The following SDHAF3 variants were observed in gnomAD, a reference collection of about 807,000 sequenced individuals.
The protein encoded by SDHAF3 is succinate dehydrogenase complex assembly factor 3, also known as succinate dehydrogenase assembly factor 3, mitochondrial.
A neutral mutation model predicts 11.5 loss-of-function variants in SDHAF3; 18 were observed. The ratio of observed to expected loss-of-function variants is 1.56; its 90% CI spans 1.08 to 2.32. SDHAF3 has a LOEUF of 2.32. Ranked by LOEUF, SDHAF3 falls within the 30% of genes most tolerant of loss-of-function variation. The probability of loss-of-function intolerance (pLI) is 0.00; values close to 1 mark genes in which losing one functional copy is unlikely to be tolerated. For missense variants in SDHAF3, 200 were observed against 154.4 expected (o/e 1.30, Z -1.57); for synonymous variants, 72 against 59.3 (o/e 1.21, Z -0.99).
In SDHAF3 at chr7:97,139,376, G is replaced by A. The variant is rs990411123; in HGVS notation, c.174+21479G>A. ...TGGGGCTTTTATGGGCTCAGAATGG[G>A]GGAGTGTATGCCGATTGGTTTGTGA... On this transcript the variant is annotated intron_variant, in intron 1 of 1. Transcript: ENST00000432641. Among the ~76,000 whole-genome samples, 8 of 152,078 alleles carry A rather than the reference G, an allele frequency of 5.3e-5. No homozygotes were observed. In the South Asian group the frequency reaches 1.5e-3, roughly 28 times the overall value.
intron 1 of SDHAF3, among the ~76,000 whole-genome samples, chr7:97,167,002 T>A (rs886393160): frequency 6.6e-6 from 1 of 152,188 alleles, no homozygotes; most frequent in Non-Finnish European, 1.5e-5. Context: ...CTAGGCACTT[T>A]CTTTCTTGAC....
In SDHAF3 at chr7:97,151,230, G is replaced by A. The variant is rs117772555; in HGVS notation, c.175-29782G>A. On this transcript the variant is annotated intron_variant, in intron 1 of 1. Transcript: ENST00000432641. ...ACAGATTAATAGGAGAAAGGCATAC[G>A]GATTTATTATGTGCATATACACGAG... Among the ~76,000 whole-genome samples, 67 of 152,196 alleles carry A rather than the reference G, an allele frequency of 4.4e-4. No homozygotes were observed. In the East Asian group the frequency reaches 0.011, roughly 24 times the overall value.
chr7:97,141,818 T>G (rs917753011), intron 1 of SDHAF3, among the ~76,000 whole-genome samples: 30 of 152,120 alleles, frequency 2.0e-4, no homozygotes, highest in African/African-American at 7.2e-4. Context: ...TAGTTACTTA[T>G]GTACACCTTT....
chr7:97,142,255 A>G (rs1789061124), intron 1 of SDHAF3, among the ~76,000 whole-genome samples: 1 of 151,070 alleles, frequency 6.6e-6, no homozygotes, highest in African/African-American at 2.4e-5. Context: ...GCATTTCACT[A>G]TATTGGCCAG....
intron 1 of SDHAF3, among the ~76,000 whole-genome samples, chr7:97,122,257 A>G (rs1366300879): frequency 6.6e-6 from 1 of 152,238 alleles, no homozygotes; most frequent in Non-Finnish European, 1.5e-5. Flanking sequence ...GTGGCAGGAG[A>G]CAGGATATTC....
chr7:97,173,926 CT>C (rs557776790), intron 1 of SDHAF3, among the ~76,000 whole-genome samples: 314 of 135,540 alleles, frequency 2.3e-3, no homozygotes, highest in Non-Finnish European at 2.8e-3. Flanking sequence ...GCTTTTTTTT[CT>C]TTTTTTTTTT....
intron 1 of SDHAF3, 118 bp downstream of exon 1, chr7:97,118,015 G>C (rs1358300024): frequency 8.1e-7 from 1 of 1,233,820 alleles, no homozygotes; most frequent in Non-Finnish European, 1.1e-6. Context: ...GTTTGAAATA[G>C]CGTAATGCTG....
chr7:97,136,252 T>A, intron 1 of SDHAF3: 1 of 441,726 alleles, frequency 2.3e-6, no homozygotes, highest in Non-Finnish European at 4.0e-6. Context: ...TTTTGAAACA[T>A]AACTTTTAGG....
intron 1 of SDHAF3, among the ~76,000 whole-genome samples, chr7:97,158,022 A>G (rs918237691): frequency 2.6e-5 from 4 of 151,748 alleles, no homozygotes; most frequent in African/African-American, 4.8e-5. Context: ...TTAAATGATG[A>G]GTTAATCATG....
intron 1 of SDHAF3, among the ~76,000 whole-genome samples, chr7:97,155,402 C>T (rs1236543558): frequency 2.6e-5 from 4 of 152,222 alleles, no homozygotes; most frequent in Admixed American, 2.6e-4. Context: ...GTTTCTTGAA[C>T]ACCTTCCTTT....
At chr7:97,173,468 C>G (rs920647851) in intron 1 of SDHAF3, among the ~76,000 whole-genome samples, 1 of 151,888 alleles carries the variant, frequency 6.6e-6, no homozygotes, top group Non-Finnish European at 1.5e-5. Flanking sequence ...AAATCACAAA[C>G]ATAAAATTTT....
At chr7:97,120,833 G>A (rs573903652) in intron 1 of SDHAF3, among the ~76,000 whole-genome samples, 8 of 152,126 alleles carry the variant, frequency 5.3e-5, no homozygotes, top group Admixed American at 2.6e-4. Flanking sequence ...AACACTAGAG[G>A]CCCCATATTT....
In SDHAF3 at chr7:97,117,771, C is replaced by T. The variant is rs750045469; in HGVS notation, c.48C>T (p.Val16=). 2.5e-6 allele frequency: 4 copies of T among 1,614,056 alleles called. No individual in the cohort carries two copies. In the South Asian group the frequency reaches 4.4e-5, roughly 18 times the overall value. The change falls in exon 1 of 2, where the codon GTC becomes GTT. Residue 16 remains valine (V), a synonymous_variant. Coordinates refer to ENST00000432641, the MANE Select transcript of SDHAF3 (RefSeq NM_020186.3). ...GAGTCCGGGCATTGTACAAGCGCGT[C>T]TTGCAGCTGCACCGTGTTCTGCCCC... ...VSRVRALYKR[V]LQLHRVLPPD...
chr7:97,121,927 A>G (rs547193405), intron 1 of SDHAF3, among the ~76,000 whole-genome samples: 9 of 144,972 alleles, frequency 6.2e-5, no homozygotes, highest in Non-Finnish European at 1.3e-4. Context: ...GCGTGATCTC[A>G]GCTTACTGCA....
At chr7:97,121,867 TTG>T (rs754951282) in intron 1 of SDHAF3, among the ~76,000 whole-genome samples, 15,207 of 149,656 alleles carry the variant, frequency 0.1, 774 homozygotes, top group Middle Eastern at 0.14. Context: ...TTTTTTTTTT[TTG>T]TTTTTGAGAT....
At chr7:97,133,122 G>A (rs1791694861) in intron 1 of SDHAF3, among the ~76,000 whole-genome samples, 1 of 152,072 alleles carries the variant, frequency 6.6e-6, no homozygotes, top group South Asian at 2.1e-4. Context: ...AGAAAGTGAA[G>A]AAGTAATATT....
chr7:97,157,929 A>T (rs1789329261), intron 1 of SDHAF3, among the ~76,000 whole-genome samples: 1 of 137,064 alleles, frequency 7.3e-6, no homozygotes, highest in South Asian at 2.6e-4. Flanking sequence ...ACACATGGAC[A>T]CAGGAAGGGG....
At chr7:97,143,371 C>T (rs757690100) in intron 1 of SDHAF3, among the ~76,000 whole-genome samples, 4 of 151,926 alleles carry the variant, frequency 2.6e-5, no homozygotes, top group Admixed American at 1.3e-4. Context: ...AGTTCTTTAG[C>T]GGTGATTTGT....
intron 1 of SDHAF3, among the ~76,000 whole-genome samples, chr7:97,131,704 G>C (rs1791673173): frequency 6.6e-6 from 1 of 152,024 alleles, no homozygotes; most frequent in South Asian, 2.1e-4. Context: ...ATATGTGATT[G>C]GTCACATTAA....
Sources: allele counts gnomAD v4.1 joint callset (sites outside exome capture counted in the v4.1 genomes callset), GRCh38; gene constraint gnomAD v4.1.1; transcripts MANE v1.5; gene names NCBI Gene and HGNC (gene_info 2026-07-23, HGNC 2026-07-21).